Variants in EEFSEC observed in about 807,000 individuals in gnomAD.
EEFSEC encodes eukaryotic elongation factor, selenocysteine-tRNA specific.
A neutral mutation model predicts 42.1 loss-of-function variants in EEFSEC; 43 were observed. That is an observed-to-expected ratio of 1.02 (90% CI 0.80 to 1.32). The LOEUF (loss-of-function observed/expected upper bound fraction) is 1.32. Among genes scored for constraint, EEFSEC ranks in the 40% most tolerant of loss-of-function variants. EEFSEC has a pLI of 0.00. For synonymous variants in EEFSEC, 354 were observed against 339.1 expected (o/e 1.04, Z -0.48); for missense variants, 745 against 803.6 (o/e 0.93, Z 0.88).
At chr3:128,227,187 G>A (rs2065916588) in intron 1 of EEFSEC, among the ~76,000 whole-genome samples, 1 of 152,168 alleles carries the variant, frequency 6.6e-6, no homozygotes, top group Non-Finnish European at 1.5e-5. Context: ...ATTGTATCTT[G>A]AATTCATTTA....
intron 4 of EEFSEC, among the ~76,000 whole-genome samples, chr3:128,290,219 TTA>T (rs1334312196): frequency 6.6e-6 from 1 of 152,204 alleles, no homozygotes; most frequent in Non-Finnish European, 1.5e-5. Flanking sequence ...GTTTTAGCTT[TTA>T]TGTTTAGGTC....
intron 4 of EEFSEC, among the ~76,000 whole-genome samples, chr3:128,336,140 G>A (rs2067187495): frequency 6.6e-6 from 1 of 152,068 alleles, no homozygotes; most frequent in South Asian, 2.1e-4. Flanking sequence ...CCCCTCCCCT[G>A]AAGCTGGCTC....
intron 1 of EEFSEC, among the ~76,000 whole-genome samples, chr3:128,199,097 G>A (rs867213688): frequency 4.6e-5 from 7 of 152,210 alleles, no homozygotes; most frequent in African/African-American, 1.7e-4. Context: ...CTCCCAAAGT[G>A]CTGGGATTAC....
At chr3:128,353,570 GC>G (rs1476410748) in intron 5 of EEFSEC, among the ~76,000 whole-genome samples, 2 of 152,258 alleles carry the variant, frequency 1.3e-5, no homozygotes, top group Non-Finnish European at 2.9e-5. Flanking sequence ...GGATGGGGCT[GC>G]CCAGTGCCCC....
chr3:128,278,615 GC>G (rs2107961273), intron 4 of EEFSEC, among the ~76,000 whole-genome samples: 2 of 152,342 alleles, frequency 1.3e-5, no homozygotes, highest in South Asian at 4.1e-4. Context: ...GGTAGTTGGG[GC>G]CTCTGGCTAG....
downstream of EEFSEC, among the ~76,000 whole-genome samples, chr3:128,412,544 AC>A: frequency 6.6e-6 from 1 of 152,286 alleles, no homozygotes; most frequent in African/African-American, 2.4e-5. Context: ...GAAGGGTGGC[AC>A]CTGCCAGAGG....
intron 1 of EEFSEC, among the ~76,000 whole-genome samples, chr3:128,244,176 G>A (rs979216855): frequency 5.3e-5 from 8 of 152,222 alleles, no homozygotes; most frequent in African/African-American, 1.9e-4. Flanking sequence ...CTCCCTCCTT[G>A]TTCCCTGCTG....
In EEFSEC at chr3:128,360,722, G is replaced by T. The variant is rs550046318; in HGVS notation, c.1600+2349G>T. Among the ~76,000 whole-genome samples the T allele has an allele frequency of 6.6e-5, 10 of 151,620 alleles. No individual in the cohort carries two copies. In the East Asian group the frequency reaches 2.0e-3, roughly 30 times the overall value. ...GTAGGAGTGGAGGGAGCCTCTCGGG[G>T]TGCTGGGGTGGGAGTGGAGGGAGGA... On this transcript the variant is annotated intron_variant, in intron 6 of 6. Coordinates refer to ENST00000254730, the MANE Select transcript of EEFSEC (RefSeq NM_021937.5).
rs2067511653 is a variant in EEFSEC at position 128,360,513 on chromosome 3, A to T, written c.1600+2140A>T. 3.3e-5 allele frequency among the ~76,000 whole-genome samples: 5 copies of T among 152,300 alleles called. No individual in the cohort carries two copies. In the South Asian group the frequency reaches 1.0e-3, roughly 32 times the overall value. On this transcript the variant is annotated intron_variant, in intron 6 of 6. Transcript: ENST00000254730. Reference sequence around the variant, plus strand: ...GAGCTTATGGTCTTCTCCTTTGGGAACTGCTAGGATCACGCTGACCTCCCC... The same window carrying T: ...GAGCTTATGGTCTTCTCCTTTGGGATCTGCTAGGATCACGCTGACCTCCCC...
chr3:128,372,844 G>A (rs917770410), intron 6 of EEFSEC, among the ~76,000 whole-genome samples: 1 of 152,220 alleles, frequency 6.6e-6, no homozygotes, highest in Non-Finnish European at 1.5e-5. Flanking sequence ...CTGGGCCCCT[G>A]ACTATACGTA....
the EEFSEC span, among the ~76,000 whole-genome samples, chr3:128,423,448 C>T: frequency 6.6e-6 from 1 of 151,824 alleles, no homozygotes; most frequent in Admixed American, 6.6e-5. Context: ...CACTGCACTC[C>T]AGCCTGGGTG....
chr3:128,317,090 A>G lies in EEFSEC; in HGVS notation c.787-24143A>G, dbSNP rs1469214686. Among the ~76,000 whole-genome samples, 1 of 152,178 alleles carries G rather than the reference A, an allele frequency of 6.6e-6. No individual in the cohort carries two copies. Among genetic ancestry groups the G allele is most frequent in the African/African-American group, 2.4e-5 (1 of 41,442 alleles). Reference sequence around the variant, plus strand: ...GGTCTTAAAGAAAGCAGAAAGAAAAATAGAAGACGTTCTGGCAGGCTGGGG... The same window carrying G: ...GGTCTTAAAGAAAGCAGAAAGAAAAGTAGAAGACGTTCTGGCAGGCTGGGG... On this transcript the variant is annotated intron_variant, in intron 4 of 6. Coordinates refer to ENST00000254730, the MANE Select transcript of EEFSEC (RefSeq NM_021937.5). This position sits in a 1 kb window ranked among gnomAD's most constrained non-coding sequence, Gnocchi z 4.1.
chr3:128,186,224 A>G (rs1246870162), intron 1 of EEFSEC, among the ~76,000 whole-genome samples: 1 of 152,230 alleles, frequency 6.6e-6, no homozygotes, highest in African/African-American at 2.4e-5. Context: ...TTGTTAATAT[A>G]TCTTCTTTGG....
intron 1 of EEFSEC, among the ~76,000 whole-genome samples, chr3:128,154,632 A>G: frequency 6.6e-6 from 1 of 151,878 alleles, no homozygotes; most frequent in Non-Finnish European, 1.5e-5. Context: ...TTGTATTTTC[A>G]GTAGAGACGG....
At chr3:128,246,815 C>G (rs1471458404) in intron 1 of EEFSEC, 21 bp from the exon 2 acceptor site, 2 of 1,612,084 alleles carry the variant, frequency 1.2e-6, no homozygotes, top group Non-Finnish European at 1.7e-6. Context: ...CCCTTTCTAA[C>G]CTTCTCTTCT....
At chr3:128,388,117 C>G (rs983024141) in intron 6 of EEFSEC, among the ~76,000 whole-genome samples, 2 of 152,208 alleles carry the variant, frequency 1.3e-5, no homozygotes, top group Non-Finnish European at 2.9e-5. Context: ...AGAACCACGA[C>G]TTGAGAAAAA....
intron 1 of EEFSEC, among the ~76,000 whole-genome samples, chr3:128,242,805 G>A (rs2107890573): frequency 6.6e-6 from 1 of 152,258 alleles, no homozygotes. Flanking sequence ...ACAACTAGAT[G>A]AAAAACTCTG....
At chr3:128,163,947 A>AAAC (rs35453688) in intron 1 of EEFSEC, among the ~76,000 whole-genome samples, 4 of 113,044 alleles carry the variant, frequency 3.5e-5, no homozygotes, top group African/African-American at 1.1e-4. Context: ...TGAAAAAAAA[A>AAAC]AAAAACAAAA....
intron 1 of EEFSEC, among the ~76,000 whole-genome samples, chr3:128,164,191 T>G (rs1284280324): frequency 2.0e-5 from 3 of 151,682 alleles, no homozygotes; most frequent in Admixed American, 6.6e-5. Context: ...CTCCACTCAC[T>G]CAGAGATTCT....
Sources: allele counts gnomAD v4.1 joint callset (sites outside exome capture counted in the v4.1 genomes callset), GRCh38; gene constraint gnomAD v4.1.1; non-coding constraint Gnocchi (gnomAD v3.1); transcripts MANE v1.5; gene names NCBI Gene and HGNC (gene_info 2026-07-23, HGNC 2026-07-21).